TRMT11: variants seen among roughly 807,000 people sequenced by gnomAD.
TRMT11 encodes the protein tRNA (guanine(10)-N(2))-methyltransferase TRMT11.
In TRMT11, 53 loss-of-function variants were observed where a neutral mutation model predicts 62.8. The ratio of observed to expected loss-of-function variants is 0.84; its 90% CI spans 0.68 to 1.06. The LOEUF is 1.06. Ranked by LOEUF, TRMT11 falls within the 50% of genes least tolerant of loss-of-function variation. TRMT11 has a pLI of 0.00. For synonymous variants in TRMT11, 188 were observed against 190.3 expected, an observed-to-expected ratio of 0.99 and a Z score of 0.10; for missense variants, 556 against 553.4, an observed-to-expected ratio of 1.00 and a Z score of -0.05.
intron 16 of TRMT11, among the ~76,000 whole-genome samples, chr6:126,044,921 C>T (rs563627339): frequency 6.6e-6 from 1 of 152,288 alleles, no homozygotes; most frequent in East Asian, 1.9e-4. Context: ...CACAGTGGCT[C>T]ATGCCTGTAA....
chr6:126,033,454 T>C (rs1774590033), intron 12 of TRMT11, among the ~76,000 whole-genome samples: 1 of 152,192 alleles, frequency 6.6e-6, no homozygotes, highest in Non-Finnish European at 1.5e-5. Flanking sequence ...GTTGTAAACA[T>C]AGATTGACTT....
downstream of TRMT11, among the ~76,000 whole-genome samples, chr6:126,041,257 TTG>T (rs1485869087): frequency 6.6e-6 from 1 of 152,098 alleles, no homozygotes; most frequent in Non-Finnish European, 1.5e-5. Context: ...ACGGGAGGCA[TTG>T]TAGTGGGTGT....
At chr6:126,170,623 A>G (rs1008207936) in intron 21 of TRMT11, among the ~76,000 whole-genome samples, 1 of 151,958 alleles carries the variant, frequency 6.6e-6, no homozygotes, top group Admixed American at 6.6e-5. Context: ...CACACCTGTG[A>G]GCTCGCCAGA....
the TRMT11 span, among the ~76,000 whole-genome samples, chr6:126,230,407 G>T: frequency 1.3e-5 from 2 of 152,096 alleles, no homozygotes; most frequent in South Asian, 4.1e-4. Context: ...TTCGAACTCT[G>T]GACACACATT....
intron 17 of TRMT11, among the ~76,000 whole-genome samples, chr6:126,056,843 A>G (rs1317868118): frequency 6.6e-6 from 1 of 152,168 alleles, no homozygotes; most frequent in Non-Finnish European, 1.5e-5. Flanking sequence ...CTTTATCCAC[A>G]GAAGATAGGA....
chr6:126,000,456 T>C (rs1792288674), intron 7 of TRMT11, among the ~76,000 whole-genome samples: 1 of 152,120 alleles, frequency 6.6e-6, no homozygotes, highest in Admixed American at 6.6e-5. Flanking sequence ...CTAGTTTAAT[T>C]CTTACAACAA....
chr6:126,224,481 T>G, the TRMT11 span, among the ~76,000 whole-genome samples: 3 of 152,102 alleles, frequency 2.0e-5, no homozygotes, highest in Non-Finnish European at 4.4e-5. Flanking sequence ...GCCCATGGCT[T>G]TTTTCTTTGT....
At chr6:126,126,411 CCTT>C (rs1160066309) in intron 21 of TRMT11, among the ~76,000 whole-genome samples, 2 of 152,074 alleles carry the variant, frequency 1.3e-5, no homozygotes, top group Non-Finnish European at 2.9e-5. Flanking sequence ...CTAGCTTTGA[CCTT>C]CTTAGATGTT....
At chr6:126,106,383 G>A (rs925789796) in intron 17 of TRMT11, among the ~76,000 whole-genome samples, 13 of 152,156 alleles carry the variant, frequency 8.5e-5, no homozygotes, top group African/African-American at 3.1e-4. Flanking sequence ...GGCCTCAAGT[G>A]ATCTGCCTGC....
At chr6:126,105,749 A>C (rs181988603) in intron 17 of TRMT11, among the ~76,000 whole-genome samples, 79 of 152,210 alleles carry the variant, frequency 5.2e-4, no homozygotes, top group African/African-American at 1.7e-3. Flanking sequence ...TTTTAGGGGA[A>C]AGAAGGTATG....
intron 1 of TRMT11, among the ~76,000 whole-genome samples, chr6:126,181,620 T>C (rs1295998974): frequency 6.6e-6 from 1 of 152,194 alleles, no homozygotes; most frequent in East Asian, 1.9e-4. Context: ...GAACTCTGAT[T>C]TAAAAGAAAA....
the TRMT11 span, among the ~76,000 whole-genome samples, chr6:126,235,070 GA>G: frequency 6.6e-6 from 1 of 152,062 alleles, no homozygotes. Context: ...CTCAAAAGAA[GA>G]CATACATACA....
intron 17 of TRMT11, among the ~76,000 whole-genome samples, chr6:126,092,368 T>C (rs1482059699): frequency 1.3e-5 from 2 of 152,104 alleles, no homozygotes; most frequent in Admixed American, 6.5e-5. Flanking sequence ...CTATCTTACA[T>C]GGTGGCAGGC....
rs1778034227 is a variant in TRMT11, at chr6:126,151,224, T to G, written c.*1824-23601T>G. On this transcript the variant is annotated intron_variant and NMD_transcript_variant, in intron 21 of 22. Transcript: ENST00000648977. ...GTTGGCACTAGTCCTTTTCAATTAC[T>G]AGTTAAAACGCTATGATGCCCTTTG... 2.0e-5 allele frequency among the ~76,000 whole-genome samples: 3 copies of G among 152,342 alleles called. No individual in the cohort carries two copies. The South Asian group carries it at 6.2e-4, about 32-fold the overall frequency.
exon 1 of TRMT11, chr6:126,177,309 A>G (rs972317519): frequency 1.3e-5 from 2 of 152,152 alleles, no homozygotes; most frequent in Non-Finnish European, 2.9e-5. Context: ...AGGAATTTTT[A>G]TCAACATAAA....
chr6:126,072,804 T>C (rs1254839167), intron 17 of TRMT11, among the ~76,000 whole-genome samples: 1 of 152,166 alleles, frequency 6.6e-6, no homozygotes, highest in Non-Finnish European at 1.5e-5. Context: ...CTCTCTCTTA[T>C]GTTTCTTCTT....
At chr6:126,190,280 CA>C (rs772580276) in intron 1 of TRMT11, among the ~76,000 whole-genome samples, 1 of 152,140 alleles carries the variant, frequency 6.6e-6, no homozygotes, top group Non-Finnish European at 1.5e-5. Flanking sequence ...CCCCACATGT[CA>C]GGGGAGGGAC....
chr6:126,084,442 C>T (rs769528543), intron 17 of TRMT11, among the ~76,000 whole-genome samples: 1 of 151,986 alleles, frequency 6.6e-6, no homozygotes, highest in Non-Finnish European at 1.5e-5. Context: ...TGTTTTTTCA[C>T]TCTTGAGTTG....
At chr6:126,130,731 C>A (rs904742481) in intron 21 of TRMT11, among the ~76,000 whole-genome samples, 1 of 152,072 alleles carries the variant, frequency 6.6e-6, no homozygotes, top group African/African-American at 2.4e-5. Context: ...TCCCAGCAAA[C>A]CACACAGCAG....
Sources: allele counts gnomAD v4.1 joint callset (sites outside exome capture counted in the v4.1 genomes callset), GRCh38; gene constraint gnomAD v4.1.1; transcripts MANE v1.5; gene names NCBI Gene and HGNC (gene_info 2026-07-23, HGNC 2026-07-21).